Variants in NRXN3 observed in about 807,000 individuals in gnomAD.
The protein encoded by NRXN3 is neurexin III.
NRXN3 carries 32 observed loss-of-function variants against 137.6 expected under a neutral mutation model. The ratio of observed to expected loss-of-function variants is 0.23; its 90% CI spans 0.18 to 0.31. The LOEUF (loss-of-function observed/expected upper bound fraction) is 0.31, where lower values mean the gene tolerates loss of function less well. Ranked by LOEUF, NRXN3 falls within the 10% of genes least tolerant of loss-of-function variation. The probability of loss-of-function intolerance (pLI) is 1.00; values close to 1 mark genes in which losing one functional copy is unlikely to be tolerated. For missense variants in NRXN3, 1,574 were observed against 2,062.5 expected, an observed-to-expected ratio of 0.76 and a Z score of 4.59; for synonymous variants, 798 against 784.5, an observed-to-expected ratio of 1.02 and a Z score of -0.29.
chr14:78,723,237 T>C (rs2098468165), intron 8 of NRXN3, among the ~76,000 whole-genome samples: 1 of 152,178 alleles, frequency 6.6e-6, no homozygotes, highest in Non-Finnish European at 1.5e-5. Context: ...CAGGTCAGCA[T>C]ATAATAGTCC....
intron 4 of NRXN3, among the ~76,000 whole-genome samples, chr14:78,588,618 G>A (rs2097089752): frequency 6.6e-6 from 1 of 152,194 alleles, no homozygotes; most frequent in African/African-American, 2.4e-5. Context: ...CTATAAATCA[G>A]TACGATAATA....
intron 16 of NRXN3, among the ~76,000 whole-genome samples, chr14:79,596,621 G>A (rs952682641): frequency 2.0e-5 from 3 of 152,092 alleles, no homozygotes; most frequent in Admixed American, 1.3e-4. Flanking sequence ...TTGGTTTTAG[G>A]GCGAGAGAGC....
At chr14:78,732,591 A>G (rs2098521482) in intron 8 of NRXN3, among the ~76,000 whole-genome samples, 1 of 152,118 alleles carries the variant, frequency 6.6e-6, no homozygotes, top group Non-Finnish European at 1.5e-5. Context: ...TCCCATTGAT[A>G]CTTCAACTCA....
chr14:79,637,122 G>A (rs766823548), intron 16 of NRXN3, among the ~76,000 whole-genome samples: 7 of 152,130 alleles, frequency 4.6e-5, no homozygotes, highest in Admixed American at 1.3e-4. Context: ...TACAAGCTGC[G>A]TGATTTGGGG....
At chr14:78,389,297 C>T (rs940073463) in intron 4 of NRXN3, among the ~76,000 whole-genome samples, 1 of 152,080 alleles carries the variant, frequency 6.6e-6, no homozygotes, top group Admixed American at 6.6e-5. Context: ...CTCAGGTGAT[C>T]CGTCCTCCTC....
intron 14 of NRXN3, among the ~76,000 whole-genome samples, chr14:78,970,753 A>G (rs970416403): frequency 3.3e-5 from 5 of 152,172 alleles, no homozygotes; most frequent in African/African-American, 7.2e-5. Flanking sequence ...GCAGTTTGGC[A>G]TTACTCATCA....
intron 4 of NRXN3, among the ~76,000 whole-genome samples, chr14:78,377,054 A>G (rs1390274189): frequency 6.6e-6 from 1 of 152,246 alleles, no homozygotes; most frequent in Non-Finnish European, 1.5e-5. Context: ...AAGAAATAGT[A>G]GACTTAAGCC....
intron 1 of NRXN3, among the ~76,000 whole-genome samples, chr14:78,180,029 G>A (rs1256161173): frequency 6.6e-6 from 1 of 151,750 alleles, no homozygotes; most frequent in Non-Finnish European, 1.5e-5. Flanking sequence ...TGCATTTTTA[G>A]TAGAGACAGG....
At chr14:78,453,678 T>C (rs1236011353) in intron 4 of NRXN3, among the ~76,000 whole-genome samples, 1 of 152,208 alleles carries the variant, frequency 6.6e-6, no homozygotes, top group African/African-American at 2.4e-5. Flanking sequence ...TGGGTCTTTG[T>C]AGATGATCGA....
At chr14:79,484,932 T>C (rs887232697) in intron 16 of NRXN3, among the ~76,000 whole-genome samples, 1 of 152,172 alleles carries the variant, frequency 6.6e-6, no homozygotes, top group Non-Finnish European at 1.5e-5. Flanking sequence ...TTTTTTGTGT[T>C]CTTTTAAAAT....
chr14:79,727,203 A>G (rs1011581385), intron 19 of NRXN3, among the ~76,000 whole-genome samples: 1 of 152,150 alleles, frequency 6.6e-6, no homozygotes, highest in Non-Finnish European at 1.5e-5. Context: ...GCTGCTTTCT[A>G]CTAAGAGTTG....
At chr14:78,392,364 A>G (rs553902049) in intron 4 of NRXN3, among the ~76,000 whole-genome samples, 14 of 152,210 alleles carry the variant, frequency 9.2e-5, no homozygotes, top group South Asian at 2.1e-4. Flanking sequence ...CTAAAAGTTG[A>G]TAAGTGTTCA....
intron 16 of NRXN3, among the ~76,000 whole-genome samples, chr14:79,470,523 C>T (rs554466181): frequency 8.3e-4 from 127 of 152,234 alleles, no homozygotes; most frequent in African/African-American, 2.8e-3. Flanking sequence ...ATGACCTAAG[C>T]GCTTTCCAAA....
chr14:79,653,158 G>A (rs2098485333), intron 16 of NRXN3, among the ~76,000 whole-genome samples: 1 of 152,078 alleles, frequency 6.6e-6, no homozygotes, highest in Admixed American at 6.6e-5. Flanking sequence ...CCTTATTTCA[G>A]TGTGTTCATC....
intron 19 of NRXN3, among the ~76,000 whole-genome samples, chr14:79,728,573 C>T (rs536757964): frequency 3.9e-5 from 6 of 152,342 alleles, no homozygotes; most frequent in African/African-American, 7.2e-5. Context: ...ACTTTTTCAT[C>T]TTTGCAGGCC....
chr14:79,056,046 G>A (rs1309725015), intron 15 of NRXN3, among the ~76,000 whole-genome samples: 1 of 152,282 alleles, frequency 6.6e-6, no homozygotes. Flanking sequence ...AATACATGTC[G>A]ATATTGGGGG....
At chr14:79,697,587 A>G in intron 18 of NRXN3, 43 bp from the exon 19 acceptor site, 1 of 1,581,692 alleles carries the variant, frequency 6.3e-7, no homozygotes, top group South Asian at 1.2e-5. Context: ...CAAACAAGGA[A>G]AACGTATGAG....
chr14:79,524,939 C>T (rs568364998), intron 16 of NRXN3, among the ~76,000 whole-genome samples: 42 of 152,218 alleles, frequency 2.8e-4, no homozygotes, highest in African/African-American at 1.0e-3. Context: ...CTCTTCTTGG[C>T]CTCTCTGAGC....
intron 4 of NRXN3, among the ~76,000 whole-genome samples, chr14:78,583,842 G>C (rs572688882): frequency 6.6e-6 from 1 of 152,252 alleles, no homozygotes; most frequent in Non-Finnish European, 1.5e-5. Flanking sequence ...TTTAGCCTCT[G>C]TGGGCCTGGA....
Sources: gnomAD v4.1 joint callset for allele counts (sites outside exome capture counted in the v4.1 genomes callset) on GRCh38, gnomAD v4.1.1 for gene constraint, MANE v1.5 for transcripts, NCBI Gene and HGNC (gene_info 2026-07-23, HGNC 2026-07-21) for gene names.